Variants in TAFA2 observed in about 807,000 individuals in gnomAD.
TAFA2 encodes chemokine-like protein TAFA-2.
A neutral mutation model predicts 18.8 loss-of-function variants in TAFA2; 7 were observed. The ratio of observed to expected loss-of-function variants is 0.37; its 90% CI spans 0.21 to 0.70. The LOEUF (loss-of-function observed/expected upper bound fraction) is 0.70. TAFA2 is among the 30% of genes least tolerant of loss of function. The pLI, the probability that TAFA2 is intolerant of heterozygous loss-of-function variation, is 0.53. For synonymous variants in TAFA2, 60 were observed against 54.2 expected, an observed-to-expected ratio of 1.11 and a Z score of -0.47; for missense variants, 122 against 158.1, an observed-to-expected ratio of 0.77 and a Z score of 1.23.
intron 1 of TAFA2, among the ~76,000 whole-genome samples, chr12:62,170,949 TCTTAATTTTATA>T (rs1003124083): frequency 2.6e-5 from 4 of 152,204 alleles, no homozygotes; most frequent in Non-Finnish European, 5.9e-5. Flanking sequence ...CTAGGTTTAC[TCTTAATTTTATA>T]CTTACACTCC....
intron 1 of TAFA2, among the ~76,000 whole-genome samples, chr12:61,915,775 T>C (rs1265638119): frequency 6.6e-6 from 1 of 152,192 alleles, no homozygotes; most frequent in Non-Finnish European, 1.5e-5. Flanking sequence ...AGAGAGCACA[T>C]CTGCCCTTCC....
chr12:61,999,697 A>G (rs574090262), intron 1 of TAFA2, among the ~76,000 whole-genome samples: 3 of 152,224 alleles, frequency 2.0e-5, no homozygotes, highest in Non-Finnish European at 2.9e-5. Context: ...AGAATTGTTG[A>G]GAAAATTAAA....
rs578118377 is a variant in TAFA2 at position 61,889,831 on chromosome 12, G to A, written c.-1-22405C>T. On this transcript the variant is annotated intron_variant, in intron 1 of 4. Transcript: ENST00000416284. ...CTGCCCCAAATGTTCTGAGACACTTGTGAGTTCTCTATGCATTGGACTGCC... is the reference window on the plus strand; with the variant it reads ...CTGCCCCAAATGTTCTGAGACACTTATGAGTTCTCTATGCATTGGACTGCC... 3.3e-5 allele frequency among the ~76,000 whole-genome samples: 5 copies of A among 152,234 alleles called. No individual in the cohort carries two copies. The South Asian group carries it at 1.0e-3, about 32-fold the overall frequency.
At chr12:62,196,197 C>T (rs148858699), upstream of TAFA2, among the ~76,000 whole-genome samples, 423 of 152,324 alleles carry the variant, frequency 2.8e-3, 1 homozygote, top group African/African-American at 9.4e-3. Context: ...AGAGTTAAGG[C>T]TTTGCTCTGG....
intron 4 of TAFA2, among the ~76,000 whole-genome samples, chr12:61,728,084 G>A (rs1870259585): frequency 6.7e-6 from 1 of 148,150 alleles, no homozygotes; most frequent in Admixed American, 6.7e-5. Context: ...TGTGGTCAGA[G>A]AGAGTACTTG....
chr12:61,798,002 C>A (rs1205533373), intron 2 of TAFA2, among the ~76,000 whole-genome samples: 1 of 152,128 alleles, frequency 6.6e-6, no homozygotes, highest in Non-Finnish European at 1.5e-5. Flanking sequence ...GGGCATGAAT[C>A]TATTAGAATA....
rs140456545 is a variant in TAFA2 at position 62,169,348 on chromosome 12, C to T, written c.-2+21911G>A. On this transcript the variant is annotated intron_variant, in intron 1 of 4. Coordinates refer to ENST00000416284, the MANE Select transcript of TAFA2 (RefSeq NM_178539.5). ...TCCAAAGTCTATGTTATCTTCAATACACCTACGATGCCTCTCAAAAGCACC... is the reference window on the plus strand; with the variant it reads ...TCCAAAGTCTATGTTATCTTCAATATACCTACGATGCCTCTCAAAAGCACC... Among the ~76,000 whole-genome samples, 527 of 152,230 alleles carry T rather than the reference C, an allele frequency of 3.5e-3. 1 individual carries two copies. The highest frequency in any genetic ancestry group is 0.012 in the African/African-American group (492 of 41,528).
At chr12:61,758,300 TTTTAAACGGATGC>T (rs1165761846) in intron 2 of TAFA2, among the ~76,000 whole-genome samples, 2 of 152,004 alleles carry the variant, frequency 1.3e-5, no homozygotes, top group Non-Finnish European at 2.9e-5. Flanking sequence ...AAGGGAATTT[TTTTAAACGGATGC>T]TTTAAAAGGA....
At chr12:61,904,538 A>G (rs1035855969) in intron 1 of TAFA2, among the ~76,000 whole-genome samples, 1 of 152,178 alleles carries the variant, frequency 6.6e-6, no homozygotes, top group African/African-American at 2.4e-5. Context: ...GATTTCAAAC[A>G]GTTTACAGCT....
chr12:62,195,866 T>A (rs889463975), upstream of TAFA2, among the ~76,000 whole-genome samples: 1 of 152,140 alleles, frequency 6.6e-6, no homozygotes, highest in Non-Finnish European at 1.5e-5. Flanking sequence ...AACAAGAGAG[T>A]CATCCTGTCC....
intron 1 of TAFA2, among the ~76,000 whole-genome samples, chr12:62,050,348 A>C (rs1882017981): frequency 6.6e-6 from 1 of 152,130 alleles, no homozygotes; most frequent in Non-Finnish European, 1.5e-5. Flanking sequence ...AGGTGGGTAG[A>C]TCACGACATC....
intron 2 of TAFA2, among the ~76,000 whole-genome samples, chr12:61,828,710 C>T (rs1474397432): frequency 6.6e-6 from 1 of 151,738 alleles, no homozygotes; most frequent in Non-Finnish European, 1.5e-5. Flanking sequence ...GTTATCTTGA[C>T]CAATACATTT....
chr12:62,030,485 A>G (rs1189168058), intron 1 of TAFA2, among the ~76,000 whole-genome samples: 1 of 152,168 alleles, frequency 6.6e-6, no homozygotes, highest in African/African-American at 2.4e-5. Context: ...AGTTTAAGAG[A>G]AAGGCAAGAG....
chr12:61,899,050 C>A (rs1201464816), intron 1 of TAFA2, among the ~76,000 whole-genome samples: 3 of 152,170 alleles, frequency 2.0e-5, no homozygotes, highest in Non-Finnish European at 4.4e-5. Flanking sequence ...CAAGAGTCAC[C>A]TTTACTCCAG....
At chr12:62,212,764 T>C (rs1277085825) in intron 1 of TAFA2, among the ~76,000 whole-genome samples, 1 of 152,226 alleles carries the variant, frequency 6.6e-6, no homozygotes, top group Non-Finnish European at 1.5e-5. Flanking sequence ...ATCAAAGGTG[T>C]AAGCCATTTC....
intron 1 of TAFA2, among the ~76,000 whole-genome samples, chr12:62,039,350 T>C (rs1462846275): frequency 6.6e-6 from 1 of 152,190 alleles, no homozygotes; most frequent in Admixed American, 6.6e-5. Flanking sequence ...GGCAGTAAAA[T>C]AGGTTCTTCA....
In TAFA2 at chr12:62,074,567, A is replaced by T. The variant is rs146802129; in HGVS notation, c.-2+116692T>A. On this transcript the variant is annotated intron_variant, in intron 1 of 4. Transcript: ENST00000416284. ...GCTATAAAATGCCATAAAATTAAGA[A>T]AGTCTTGTTTCCTCTTGCTTCTGAA... 7.2e-5 allele frequency among the ~76,000 whole-genome samples: 11 copies of T among 152,278 alleles called. No homozygotes were observed. In the East Asian group the frequency reaches 2.1e-3, roughly 29 times the overall value.
intron 1 of TAFA2, among the ~76,000 whole-genome samples, chr12:62,141,605 G>A (rs895377270): frequency 6.6e-6 from 1 of 152,060 alleles, no homozygotes; most frequent in African/African-American, 2.4e-5. Flanking sequence ...CAATGGTTTT[G>A]TCTTTTTTAG....
chr12:62,046,864 G>A (rs1881922104), intron 1 of TAFA2, among the ~76,000 whole-genome samples: 1 of 151,862 alleles, frequency 6.6e-6, no homozygotes, highest in Non-Finnish European at 1.5e-5. Context: ...AACATTATTT[G>A]CAAAATTTTA....
Sources: gnomAD v4.1 joint callset for allele counts (sites outside exome capture counted in the v4.1 genomes callset) on GRCh38, gnomAD v4.1.1 for gene constraint, MANE v1.5 for transcripts, NCBI Gene and HGNC (gene_info 2026-07-23, HGNC 2026-07-21) for gene names.